Variants in MTDH observed in about 807,000 individuals in gnomAD.
The protein encoded by MTDH is metadherin.
A neutral mutation model predicts 72.7 loss-of-function variants in MTDH; 34 were observed. The ratio of observed to expected loss-of-function variants is 0.47; its 90% CI spans 0.36 to 0.62. The LOEUF is 0.62. MTDH is among the 20% of genes least tolerant of loss of function. MTDH has a pLI of 0.00. For synonymous variants in MTDH, 266 were observed against 268.9 expected (o/e 0.99, Z 0.10); for missense variants, 677 against 699.4 (o/e 0.97, Z 0.36).
intron 8 of MTDH, among the ~76,000 whole-genome samples, chr8:97,707,381 C>G (rs543784434): frequency 2.0e-5 from 3 of 151,096 alleles, no homozygotes; most frequent in African/African-American, 7.3e-5. Context: ...AACTCCAGAC[C>G]TCAGGTGATC....
chr8:97,666,258 T>C (rs1355040023), intron 2 of MTDH, among the ~76,000 whole-genome samples: 1 of 152,212 alleles, frequency 6.6e-6, no homozygotes, highest in Non-Finnish European at 1.5e-5. Context: ...CGATATCCAC[T>C]AAACCCTGAT....
chr8:97,666,194 C>T (rs761169818), intron 2 of MTDH, among the ~76,000 whole-genome samples: 53 of 151,084 alleles, frequency 3.5e-4, no homozygotes, highest in Non-Finnish European at 6.2e-4. Context: ...AGAGAAACAA[C>T]GGAAACAAAA....
At position 97,650,208 on chromosome 8, in the gene MTDH, A is replaced by T. The variant is rs189176940; in HGVS notation, c.381+5321A>T. On this transcript the variant is annotated intron_variant, in intron 1 of 11. Transcript: ENST00000336273. ...CCTGACCTCGTGATCCGCCTGCCTC[A>T]GCCTCCCAAAGTGCTGGGATTACAG... 6.0e-3 allele frequency among the ~76,000 whole-genome samples: 912 copies of T among 151,918 alleles called. 9 individuals are homozygous for T. The highest frequency in any genetic ancestry group is 0.021 in the African/African-American group (852 of 41,388).
intron 7 of MTDH, among the ~76,000 whole-genome samples, chr8:97,703,725 T>A (rs1586266995): frequency 1.3e-5 from 2 of 152,232 alleles, no homozygotes; most frequent in East Asian, 3.8e-4. Context: ...TTCATCAGAA[T>A]TGTGAGAAAT....
At chr8:97,648,092 A>G (rs1296741026) in intron 1 of MTDH, among the ~76,000 whole-genome samples, 1 of 152,012 alleles carries the variant, frequency 6.6e-6, no homozygotes, top group Non-Finnish European at 1.5e-5. Flanking sequence ...CGAAATCTGT[A>G]TTTACCTCAA....
intron 10 of MTDH, among the ~76,000 whole-genome samples, chr8:97,719,492 CAAAAAAAAA>C (rs11383714): frequency 1.3e-5 from 1 of 79,934 alleles, no homozygotes; most frequent in Non-Finnish European, 2.9e-5. Flanking sequence ...GACACTGTCT[CAAAAAAAAA>C]AAAAAAAAAA....
At chr8:97,675,066 T>C (rs1563536777) in intron 2 of MTDH, among the ~76,000 whole-genome samples, 2 of 152,138 alleles carry the variant, frequency 1.3e-5, no homozygotes, top group African/African-American at 4.8e-5. Flanking sequence ...TGCTACGGCC[T>C]CCCAAATTGT....
chr8:97,657,703 T>G (rs1163775439), intron 1 of MTDH, among the ~76,000 whole-genome samples: 1 of 152,080 alleles, frequency 6.6e-6, no homozygotes, highest in Non-Finnish European at 1.5e-5. Context: ...AGACAGGGTC[T>G]GTCTATGTTA....
chr8:97,679,240 C>T (rs906754154), intron 2 of MTDH, among the ~76,000 whole-genome samples: 2 of 151,754 alleles, frequency 1.3e-5, no homozygotes, highest in African/African-American at 2.4e-5. Flanking sequence ...TAGCTATAAA[C>T]CAGATGTAAA....
At chr8:97,722,801 C>T (rs1419783218) in intron 10 of MTDH, 78 bp from the exon 11 acceptor site, 8 of 1,423,500 alleles carry the variant, frequency 5.6e-6, no homozygotes, top group Non-Finnish European at 7.6e-6. Flanking sequence ...GCTAAACCAC[C>T]TCTTGGTATT....
chr8:97,719,126 A>G lies in MTDH; in HGVS notation c.1458A>G (p.Lys486=), dbSNP rs1815000622. ...CTAAAACCCGTCCAAAACAGGAAAAAGCTTTTTCCTTGAAGACCATAAGCA... is the reference window on the plus strand; with the variant it reads ...CTAAAACCCGTCCAAAACAGGAAAAGGCTTTTTCCTTGAAGACCATAAGCA... The part of the protein sequence containing the change: ...NTSKTRPKQE[K]AFSLKTISTS... Residue 486 remains lysine, a synonymous_variant, in exon 10 of 12, where the codon AAA becomes AAG. Transcript: ENST00000336273. 1.9e-6 allele frequency: 3 copies of G among 1,614,144 alleles called. No homozygotes were observed. The highest frequency in any genetic ancestry group is 2.5e-6 in the Non-Finnish European group (3 of 1,180,004).
intron 1 of MTDH, among the ~76,000 whole-genome samples, chr8:97,656,153 A>G (rs1811963308): frequency 6.6e-6 from 1 of 152,150 alleles, no homozygotes. Context: ...AGTTTACGTA[A>G]CTAAGTGAAA....
intron 2 of MTDH, among the ~76,000 whole-genome samples, chr8:97,682,580 C>T (rs1047046218): frequency 2.6e-5 from 4 of 151,512 alleles, no homozygotes; most frequent in African/African-American, 7.3e-5. Flanking sequence ...GGATCACAGG[C>T]GTGAGCCACC....
intron 2 of MTDH, among the ~76,000 whole-genome samples, chr8:97,683,603 T>G (rs1483195378): frequency 7.3e-5 from 11 of 151,682 alleles, no homozygotes; most frequent in Admixed American, 7.2e-4. Flanking sequence ...TGTGTTGCCC[T>G]GGCTGGTCTC....
chr8:97,699,714 A>AT, intron 6 of MTDH, 40 bp from the exon 7 acceptor site: 1 of 1,326,154 alleles, frequency 7.5e-7, no homozygotes, highest in East Asian at 2.3e-5. Flanking sequence ...TCATTAGGAA[A>AT]TTCCATTTTT....
In MTDH at chr8:97,719,101, C is replaced by G. The variant is rs751370602; in HGVS notation, c.1433C>G (p.Ser478Cys). 6.2e-7 allele frequency: 1 copy of G among 1,613,956 alleles called. No individual in the cohort carries two copies. Among genetic ancestry groups the G allele is most frequent in the Non-Finnish European group, 8.5e-7 (1 of 1,179,890 alleles). Reference protein sequence around the residue: ...EIREDLPVNTSKTRPKQEKAF... With the variant: ...EIREDLPVNTCKTRPKQEKAF... ...AGAGAAGACCTTCCAGTGAATACCT[C>G]TAAAACCCGTCCAAAACAGGAAAAA... Residue 478 changes from serine to cysteine, a missense_variant, in exon 10 of 12, where the codon TCT becomes TGT. By Grantham distance (112) the Ser-to-Cys change is moderately radical. This residue lies in a region of MTDH where 201 missense variants were observed against 204.5 expected (regional missense o/e 0.98). Transcript: ENST00000336273.
chr8:97,679,551 T>A (rs995026974), intron 2 of MTDH, among the ~76,000 whole-genome samples: 4 of 152,192 alleles, frequency 2.6e-5, no homozygotes, highest in Non-Finnish European at 5.9e-5. Flanking sequence ...CATTTTGATC[T>A]TCTTACTTTT....
intron 2 of MTDH, among the ~76,000 whole-genome samples, chr8:97,664,416 G>A (rs901640703): frequency 3.3e-5 from 5 of 151,596 alleles, no homozygotes; most frequent in African/African-American, 9.7e-5. Context: ...ATTCTGATTC[G>A]AAAAAGTTCT....
intron 11 of MTDH, among the ~76,000 whole-genome samples, chr8:97,724,015 A>G (rs375922684): frequency 6.6e-6 from 1 of 152,164 alleles, no homozygotes; most frequent in Admixed American, 6.6e-5. Flanking sequence ...AGGCTGAGGC[A>G]GGAGAATCGC....
Sources: gnomAD v4.1 joint callset for allele counts (sites outside exome capture counted in the v4.1 genomes callset) on GRCh38, gnomAD v4.1.1 for gene constraint, gnomAD v4.1.1 regional missense constraint, MANE v1.5 for transcripts, NCBI Gene and HGNC (gene_info 2026-07-23, HGNC 2026-07-21) for gene names.